Variants in GDA observed in about 807,000 individuals in gnomAD.
GDA encodes guanine deaminase.
GDA carries 18 observed loss-of-function variants against 59.6 expected under a neutral mutation model. That is an observed-to-expected ratio of 0.30 (90% CI 0.21 to 0.45). The LOEUF (loss-of-function observed/expected upper bound fraction) is 0.45. GDA is among the 20% of genes least tolerant of loss of function. The pLI, the probability that GDA is intolerant of heterozygous loss-of-function variation, is 1.00. For missense variants in GDA, 427 were observed against 552.3 expected (o/e 0.77, Z 2.27); for synonymous variants, 201 against 201.1 (o/e 1.00, Z 0.00).
chr9:72,147,351 G>C (rs1826679406), upstream of GDA, among the ~76,000 whole-genome samples: 1 of 152,142 alleles, frequency 6.6e-6, no homozygotes, highest in Non-Finnish European at 1.5e-5. Context: ...GGGACTACAG[G>C]CACGCATCAC....
chr9:72,255,578 A>G (rs77792279), downstream of GDA, among the ~76,000 whole-genome samples: 2,528 of 152,314 alleles, frequency 0.017, 60 homozygotes, highest in African/African-American at 0.057. Flanking sequence ...AAGTGCACAC[A>G]CTTCTTTCAA....
chr9:72,173,364 G>A (rs961108401), intron 1 of GDA, among the ~76,000 whole-genome samples: 6 of 144,854 alleles, frequency 4.1e-5, no homozygotes, highest in African/African-American at 1.3e-4. Flanking sequence ...ATGGAGTCTC[G>A]CTGTTGCCCA....
At chr9:72,211,071 T>G (rs1430456381) in intron 4 of GDA, among the ~76,000 whole-genome samples, 2 of 152,182 alleles carry the variant, frequency 1.3e-5, no homozygotes, top group Non-Finnish European at 2.9e-5. Context: ...TTTTGTGTAT[T>G]AATTTAGGGC....
chr9:72,164,170 A>G (rs1829004492), intron 1 of GDA, among the ~76,000 whole-genome samples: 1 of 152,180 alleles, frequency 6.6e-6, no homozygotes, highest in Non-Finnish European at 1.5e-5. Flanking sequence ...CGGGCGATAT[A>G]AAATGTAGAG....
downstream of GDA, among the ~76,000 whole-genome samples, chr9:72,256,372 C>A (rs1270690425): frequency 6.6e-6 from 1 of 152,080 alleles, no homozygotes; most frequent in Non-Finnish European, 1.5e-5. Context: ...GAAGAACTCA[C>A]AGTCTGGGAT....
At chr9:72,172,904 T>G (rs1830131559) in intron 1 of GDA, among the ~76,000 whole-genome samples, 1 of 152,198 alleles carries the variant, frequency 6.6e-6, no homozygotes, top group Admixed American at 6.5e-5. Context: ...TTCTGTTTGG[T>G]GCTGGAAATA....
At chr9:72,172,457 A>G (rs992456641) in intron 1 of GDA, among the ~76,000 whole-genome samples, 1 of 152,204 alleles carries the variant, frequency 6.6e-6, no homozygotes, top group African/African-American at 2.4e-5. Flanking sequence ...TGCAGATAGT[A>G]AGAAGCAGAG....
intron 1 of GDA, among the ~76,000 whole-genome samples, chr9:72,122,095 C>G (rs901950821): frequency 6.6e-6 from 1 of 152,168 alleles, no homozygotes; most frequent in Non-Finnish European, 1.5e-5. Context: ...GGGATTTCAT[C>G]CACTCATACA....
chr9:72,213,087 G>A (rs1835591496), intron 4 of GDA, among the ~76,000 whole-genome samples: 1 of 151,968 alleles, frequency 6.6e-6, no homozygotes, highest in South Asian at 2.1e-4. Context: ...GGCCAACATG[G>A]TGAAACACTG....
chr9:72,225,829 T>A (rs751951579), intron 8 of GDA, 45 bp downstream of exon 8: 1 of 714,098 alleles, frequency 1.4e-6, no homozygotes, highest in Admixed American at 2.6e-5. Context: ...GAGGGCATAT[T>A]TATCTCAATT....
chr9:72,230,761 A>G (rs1400157214), intron 9 of GDA, among the ~76,000 whole-genome samples: 1 of 152,144 alleles, frequency 6.6e-6, no homozygotes, highest in Non-Finnish European at 1.5e-5. Flanking sequence ...GCTTCCTAAC[A>G]TAAAAAGATG....
intron 1 of GDA, among the ~76,000 whole-genome samples, chr9:72,161,722 C>T (rs941069101): frequency 6.6e-6 from 1 of 152,312 alleles, no homozygotes; most frequent in South Asian, 2.1e-4. Flanking sequence ...ATGCCACTTA[C>T]AATTTACAGT....
chr9:72,124,577 G>A (rs1422787648), intron 1 of GDA, among the ~76,000 whole-genome samples: 1 of 152,168 alleles, frequency 6.6e-6, no homozygotes, highest in Non-Finnish European at 1.5e-5. Context: ...AAGTCTTGGT[G>A]GAAAGCACCT....
In GDA at chr9:72,251,046, T is replaced by G; in HGVS notation, c.*2704T>G. On this transcript the variant is annotated 3_prime_UTR_variant, in exon 14 of 14. Coordinates refer to ENST00000358399, the MANE Select transcript of GDA (RefSeq NM_004293.5). The stretch of plus-strand genomic sequence containing the variant: ...TTTATTCTCTTGGCTGGTTCTCTCA[T>G]TGAATTATCAGACCCCAAGAGGAGA... 3.8e-6 allele frequency: 2 copies of G among 520,366 alleles called. No individual in the cohort carries two copies. The highest frequency in any genetic ancestry group is 6.8e-6 in the Non-Finnish European group (2 of 292,342). The allele number at this position is 520,366 out of a possible 1,614,324, so 32.2% of individuals were successfully genotyped here.
chr9:72,173,670 G>A (rs1830240200), intron 1 of GDA, among the ~76,000 whole-genome samples: 1 of 152,016 alleles, frequency 6.6e-6, no homozygotes, highest in Non-Finnish European at 1.5e-5. Flanking sequence ...TTGTATTTAG[G>A]GTCCACCCTG....
chr9:72,116,066 C>T (rs1362853344), intron 1 of GDA, among the ~76,000 whole-genome samples: 4 of 151,996 alleles, frequency 2.6e-5, no homozygotes, highest in African/African-American at 9.7e-5. Flanking sequence ...AAACCCGTCT[C>T]TACTAAAAGT....
chr9:72,195,379 G>T (rs1833040736), intron 1 of GDA, 121 bp from the exon 2 acceptor site: 3 of 218,162 alleles, frequency 1.4e-5, no homozygotes, highest in Non-Finnish European at 8.3e-6. Context: ...ATTCCATTTG[G>T]TATCAAATAC....
chr9:72,236,545 T>G (rs1656655968), intron 10 of GDA, among the ~76,000 whole-genome samples: 2 of 152,168 alleles, frequency 1.3e-5, no homozygotes, highest in Non-Finnish European at 2.9e-5. Context: ...TTCTTTGCCC[T>G]GTTGCAGCAA....
At chr9:72,231,063 T>C in intron 9 of GDA, 51 bp from the exon 10 acceptor site, 2 of 1,042,846 alleles carry the variant, frequency 1.9e-6, no homozygotes, top group Non-Finnish European at 3.0e-6. Context: ...GTGTTCATCT[T>C]TTATTGGAAC....
Sources: gnomAD v4.1 joint callset for allele counts (sites outside exome capture counted in the v4.1 genomes callset) on GRCh38, gnomAD v4.1.1 for gene constraint, MANE v1.5 for transcripts, NCBI Gene and HGNC (gene_info 2026-07-23, HGNC 2026-07-21) for gene names.